The following EPS15 variants were observed in gnomAD, a reference collection of about 807,000 sequenced individuals.
EPS15 encodes epidermal growth factor receptor substrate 15.
A neutral mutation model predicts 113.8 loss-of-function variants in EPS15; 72 were observed. The observed-to-expected ratio is 0.63, with a 90% CI of 0.52 to 0.77. EPS15 has a LOEUF of 0.77. Ranked by LOEUF, EPS15 falls within the 30% of genes least tolerant of loss-of-function variation. EPS15 has a pLI of 0.00. For missense variants in EPS15, 1,048 were observed against 1,045.8 expected, an observed-to-expected ratio of 1.00 and a Z score of -0.03; for synonymous variants, 344 against 363.4, an observed-to-expected ratio of 0.95 and a Z score of 0.61.
At chr1:51,479,113 T>C (rs1426767422) in intron 2 of EPS15, among the ~76,000 whole-genome samples, 1 of 152,200 alleles carries the variant, frequency 6.6e-6, no homozygotes, top group Non-Finnish European at 1.5e-5. Context: ...GTAGATTTGG[T>C]CTTTTTACAT....
intron 21 of EPS15, among the ~76,000 whole-genome samples, chr1:51,385,657 C>T (rs999693475): frequency 6.6e-6 from 1 of 151,910 alleles, no homozygotes; most frequent in Non-Finnish European, 1.5e-5. Context: ...AACTAAGTGT[C>T]CATTAATGAA....
intron 1 of EPS15, among the ~76,000 whole-genome samples, chr1:51,512,052 A>G (rs998131416): frequency 1.3e-5 from 2 of 152,234 alleles, no homozygotes; most frequent in African/African-American, 4.8e-5. Flanking sequence ...TATCACAAAA[A>G]TGAGTTTCTT....
rs112278154 is a variant in EPS15 at position 51,385,483 on chromosome 1, T to C, written c.2119+8898A>G. Among the ~76,000 whole-genome samples, 1,440 of 152,322 alleles carry C rather than the reference T, an allele frequency of 9.5e-3. 24 individuals carry two copies. The highest frequency in any genetic ancestry group is 0.033 in the African/African-American group (1,377 of 41,562). Reference sequence around the variant, plus strand: ...GGTGTATAAAATGGTATGGCTGCTGTGGAGAATAGTATGATCATTTCTCAA... The same window carrying C: ...GGTGTATAAAATGGTATGGCTGCTGCGGAGAATAGTATGATCATTTCTCAA... On this transcript the variant is annotated intron_variant, in intron 21 of 24. Coordinates refer to ENST00000371733, the MANE Select transcript of EPS15 (RefSeq NM_001981.3).
intron 21 of EPS15, among the ~76,000 whole-genome samples, chr1:51,370,211 T>C (rs1186192735): frequency 6.6e-6 from 1 of 152,214 alleles, no homozygotes; most frequent in Non-Finnish European, 1.5e-5. Flanking sequence ...CATGTGTTTG[T>C]GGTGATGTTG....
At chr1:51,440,828 T>C (rs577193697) in intron 11 of EPS15, among the ~76,000 whole-genome samples, 1 of 152,232 alleles carries the variant, frequency 6.6e-6, no homozygotes, top group South Asian at 2.1e-4. Context: ...TTGTATAAAC[T>C]GGCTGAGAGT....
At chr1:51,432,564 T>C (rs1484144209) in intron 12 of EPS15, among the ~76,000 whole-genome samples, 1 of 148,924 alleles carries the variant, frequency 6.7e-6, no homozygotes, top group Non-Finnish European at 1.5e-5. Context: ...GTAATAAAGA[T>C]GAAAAATACT....
intron 12 of EPS15, among the ~76,000 whole-genome samples, chr1:51,431,318 C>A (rs1363393982): frequency 2.0e-5 from 3 of 151,958 alleles, no homozygotes; most frequent in Non-Finnish European, 1.5e-5. Context: ...GTGTAAGTAA[C>A]TGAAAAGAGA....
intron 12 of EPS15, 70 bp downstream of exon 12, chr1:51,440,277 C>CTGTGTGTG (rs3040220): frequency 3.5e-4 from 154 of 444,760 alleles, no homozygotes; most frequent in South Asian, 1.5e-3. Flanking sequence ...TATACATGTA[C>CTGTGTGTG]TGTGTGTGTG....
In EPS15 at chr1:51,364,018, T is replaced by C. The variant is rs1646449675; in HGVS notation, c.2207A>G (p.Glu736Gly). Residue 736 changes from glutamate to glycine, a missense_variant, in exon 23 of 25, where the codon GAA (glutamate) becomes GGA (glycine). Coordinates refer to ENST00000371733, the MANE Select transcript of EPS15 (RefSeq NM_001981.3). ...CGATGTGGCTGAACGAAAAGGATCTTCATTGTTGACCTTTGTTTAAAAAGA... is the reference window on the plus strand; with the variant it reads ...CGATGTGGCTGAACGAAAAGGATCTCCATTGTTGACCTTTGTTTAAAAAGA... ...DFSTLSKVNN[E>G]DPFRSATSSS... The C allele has an allele frequency of 6.2e-7, 1 of 1,611,258 alleles. No homozygotes were observed. Among genetic ancestry groups the C allele is most frequent in the Admixed American group, 1.7e-5 (1 of 59,668 alleles).
chr1:51,470,430 A>G (rs552243022), intron 4 of EPS15, among the ~76,000 whole-genome samples: 137 of 152,196 alleles, frequency 9.0e-4, no homozygotes, highest in Middle Eastern at 3.4e-3. Context: ...GGATCACTCG[A>G]GGTCAGGAGT....
At chr1:51,502,148 G>A (rs1409203057) in intron 1 of EPS15, among the ~76,000 whole-genome samples, 3 of 152,052 alleles carry the variant, frequency 2.0e-5, no homozygotes, top group African/African-American at 7.2e-5. Context: ...CATGCCTGTT[G>A]CCCCAGTTAC....
intron 2 of EPS15, among the ~76,000 whole-genome samples, chr1:51,478,713 G>A (rs1228235513): frequency 6.6e-6 from 1 of 151,732 alleles, no homozygotes; most frequent in Non-Finnish European, 1.5e-5. Context: ...CTTCACTTAT[G>A]AAGCTTAGTT....
At chr1:51,428,311 A>T (rs1439173219) in intron 12 of EPS15, among the ~76,000 whole-genome samples, 2 of 152,212 alleles carry the variant, frequency 1.3e-5, no homozygotes, top group Non-Finnish European at 2.9e-5. Flanking sequence ...AGATAAAAAG[A>T]TCTCCAGTAA....
intron 1 of EPS15, among the ~76,000 whole-genome samples, chr1:51,508,882 C>T (rs2148562778): frequency 6.6e-6 from 1 of 152,234 alleles, no homozygotes; most frequent in East Asian, 1.9e-4. Context: ...TCAAATGTTC[C>T]TATAGATTTA....
At chr1:51,361,143 C>T in intron 24 of EPS15, 28 bp downstream of exon 24, 1 of 1,556,664 alleles carries the variant, frequency 6.4e-7, no homozygotes, top group South Asian at 1.2e-5. Flanking sequence ...AAGATTTCTC[C>T]CCCAAACAGC....
Position 51,356,787 on chromosome 1 carries a change from C to T in EPS15, c.2604G>A (p.Glu868=). The T allele has an allele frequency of 6.2e-7, 1 of 1,613,740 alleles. No individual in the cohort carries two copies. Among genetic ancestry groups the T allele is most frequent in the Admixed American group, 1.7e-5 (1 of 60,020 alleles). ...WAKRESEREE[E]QRLARLNQQE... is the part of the protein sequence containing the mutation. Reference sequence around the variant, plus strand: ...GCTGATTTAGTCGGGCAAGCCTCTGCTCTTCCTCTCTCTCACTTTCCCTCT... The same window carrying T: ...GCTGATTTAGTCGGGCAAGCCTCTGTTCTTCCTCTCTCTCACTTTCCCTCT... The change falls in exon 25 of 25, where the codon GAG becomes GAA. Residue 868 remains glutamate, a synonymous_variant. Coordinates refer to ENST00000371733, the MANE Select transcript of EPS15 (RefSeq NM_001981.3).
At chr1:51,361,018 T>C (rs934175850) in intron 24 of EPS15, among the ~76,000 whole-genome samples, 153 bp downstream of exon 24, 3 of 152,224 alleles carry the variant, frequency 2.0e-5, no homozygotes, top group African/African-American at 7.2e-5. Flanking sequence ...CAAAACAGGA[T>C]CAAACAGAGG....
At chr1:51,432,412 C>T (rs1651813883) in intron 12 of EPS15, among the ~76,000 whole-genome samples, 2 of 152,056 alleles carry the variant, frequency 1.3e-5, no homozygotes, top group South Asian at 4.1e-4. Context: ...CAGCAATTCT[C>T]TTGCCTTGGC....
chr1:51,451,490 C>CAAAAAAA (rs56091976), intron 8 of EPS15, among the ~76,000 whole-genome samples: 8 of 50,768 alleles, frequency 1.6e-4, no homozygotes, highest in African/African-American at 3.2e-4. Flanking sequence ...GACTCCATCT[C>CAAAAAAA]AAAAAAAAAA....
Sources: allele counts gnomAD v4.1 joint callset (sites outside exome capture counted in the v4.1 genomes callset), GRCh38; gene constraint gnomAD v4.1.1; transcripts MANE v1.5; gene names NCBI Gene and HGNC (gene_info 2026-07-23, HGNC 2026-07-21).